PRKN: variants seen among roughly 807,000 people sequenced by gnomAD.
The protein encoded by PRKN is E3 ubiquitin-protein ligase parkin.
PRKN carries 56 observed loss-of-function variants against 59.5 expected under a neutral mutation model. That is an observed-to-expected ratio of 0.94 (90% CI 0.76 to 1.18). The LOEUF is 1.18. Among genes scored for constraint, PRKN ranks in the 50% most tolerant of loss-of-function variants. The probability of loss-of-function intolerance (pLI) is 0.00; values close to 1 mark genes in which losing one functional copy is unlikely to be tolerated. For synonymous variants in PRKN, 250 were observed against 222.1 expected (o/e 1.13, Z -1.12); for missense variants, 657 against 596.4 (o/e 1.10, Z -1.06).
At chr6:162,000,077 G>C (rs920681507) in intron 5 of PRKN, among the ~76,000 whole-genome samples, 2 of 151,996 alleles carry the variant, frequency 1.3e-5, no homozygotes, top group African/African-American at 4.8e-5. Context: ...CCAAGTTTTG[G>C]CAATTATGAA....
In PRKN at chr6:161,593,238, G is replaced by A. The variant is rs531312700; in HGVS notation, c.872-23822C>T. On this transcript the variant is annotated intron_variant, in intron 7 of 11. Transcript: ENST00000366898. This position sits in a 1 kb window ranked among gnomAD's most constrained non-coding sequence, Gnocchi z 4.8. ...TCAACTGCATCCCAGGAGCTGTTCCGAGTGCTTCGCATGGATCACCTCCTT... is the reference window on the plus strand; with the variant it reads ...TCAACTGCATCCCAGGAGCTGTTCCAAGTGCTTCGCATGGATCACCTCCTT... Among the ~76,000 whole-genome samples the A allele has an allele frequency of 8.5e-5, 13 of 152,304 alleles. No individual in the cohort carries two copies. Among genetic ancestry groups the A allele is most frequent in the East Asian group, 1.9e-4 (1 of 5,176 alleles).
intron 6 of PRKN, among the ~76,000 whole-genome samples, chr6:161,914,920 G>A (rs1417256052): frequency 6.6e-6 from 1 of 152,122 alleles, no homozygotes; most frequent in Non-Finnish European, 1.5e-5. Context: ...GGCATTCCTA[G>A]ACAGCCCAGG....
intron 1 of PRKN, among the ~76,000 whole-genome samples, chr6:162,560,857 A>AAAAAAAAAAAC (rs1779807066): frequency 1.3e-5 from 2 of 150,242 alleles, no homozygotes; most frequent in African/African-American, 4.9e-5. Flanking sequence ...GAGAGGCAAA[A>AAAAAAAAAAAC]AAAAAAAAAA....
intron 6 of PRKN, among the ~76,000 whole-genome samples, chr6:161,960,377 T>A (rs1399144578): frequency 4.6e-5 from 7 of 152,058 alleles, no homozygotes; most frequent in African/African-American, 1.7e-4. Context: ...GCAAAAGACA[T>A]CCAAATCTTA....
chr6:161,741,290 T>C (rs1240774456), intron 7 of PRKN, among the ~76,000 whole-genome samples: 3 of 152,096 alleles, frequency 2.0e-5, no homozygotes, highest in African/African-American at 7.2e-5. Flanking sequence ...TCTAATAGTT[T>C]CTCCGAGGAC....
At chr6:161,536,544 GA>G (rs1279845888) in intron 9 of PRKN, among the ~76,000 whole-genome samples, 4 of 152,176 alleles carry the variant, frequency 2.6e-5, no homozygotes, top group Non-Finnish European at 5.9e-5. Flanking sequence ...TGACCTGATA[GA>G]AACTTACCCC....
intron 1 of PRKN, among the ~76,000 whole-genome samples, chr6:162,460,643 T>C (rs1401244683): frequency 5.9e-5 from 9 of 152,196 alleles, no homozygotes; most frequent in Admixed American, 5.2e-4. Context: ...TTAGTACTTT[T>C]GGGATAAGCG....
intron 1 of PRKN, among the ~76,000 whole-genome samples, chr6:162,514,289 A>G (rs1339651461): frequency 2.0e-5 from 3 of 151,826 alleles, no homozygotes; most frequent in Admixed American, 2.0e-4. Context: ...TTTTTCTGAA[A>G]AAGTAAACTG....
intron 7 of PRKN, among the ~76,000 whole-genome samples, chr6:161,779,767 A>G (rs1039030583): frequency 6.6e-6 from 1 of 151,762 alleles, no homozygotes; most frequent in African/African-American, 2.4e-5. Flanking sequence ...TTCTATTTCT[A>G]TTTTGTTATC....
intron 2 of PRKN, among the ~76,000 whole-genome samples, chr6:162,428,442 T>A (rs181293522): frequency 2.0e-5 from 3 of 152,238 alleles, no homozygotes; most frequent in Non-Finnish European, 4.4e-5. Flanking sequence ...TAAACAAACT[T>A]CCTACTGGAG....
Position 161,363,045 on chromosome 6 carries a change from C to T in PRKN, c.1168-2840G>A, listed in dbSNP as rs923568609. Among the ~76,000 whole-genome samples, 6 of 152,036 alleles carry T rather than the reference C, an allele frequency of 3.9e-5. No individual in the cohort carries two copies. Among genetic ancestry groups the T allele is most frequent in the African/African-American group, 1.2e-4 (5 of 41,378 alleles). On this transcript the variant is annotated intron_variant, in intron 10 of 11. Coordinates refer to ENST00000366898, the MANE Select transcript of PRKN (RefSeq NM_004562.3). This position sits in a 1 kb window ranked among gnomAD's most constrained non-coding sequence, Gnocchi z 4.1. ...TCACTTGAGGCCGGGTGTTCAAGACCAGCCTGGCCAACATGGTGAAACCTC... is the reference window on the plus strand; with the variant it reads ...TCACTTGAGGCCGGGTGTTCAAGACTAGCCTGGCCAACATGGTGAAACCTC...
chr6:161,939,234 A>G (rs1171315592), intron 6 of PRKN, among the ~76,000 whole-genome samples: 1 of 151,706 alleles, frequency 6.6e-6, no homozygotes, highest in African/African-American at 2.4e-5. Flanking sequence ...CATGGCCAAC[A>G]TGGTGAAACC....
intron 9 of PRKN, among the ~76,000 whole-genome samples, chr6:161,505,471 G>A (rs1190687881): frequency 6.6e-6 from 1 of 151,420 alleles, no homozygotes; most frequent in Non-Finnish European, 1.5e-5. Flanking sequence ...CCCATTTTGT[G>A]GGCTGCCTGT....
At chr6:161,842,234 C>T (rs1323124744) in intron 6 of PRKN, among the ~76,000 whole-genome samples, 1 of 152,070 alleles carries the variant, frequency 6.6e-6, no homozygotes, top group Non-Finnish European at 1.5e-5. Flanking sequence ...TGTGGTGGCT[C>T]ACTCCTGTAA....
At chr6:162,724,828 CT>C (rs1779063899) in intron 1 of PRKN, among the ~76,000 whole-genome samples, 1 of 152,174 alleles carries the variant, frequency 6.6e-6, no homozygotes, top group Admixed American at 6.5e-5. Flanking sequence ...TCTGTTTTAT[CT>C]AAGTAGTACA....
chr6:162,504,149 A>T (rs1793503283), intron 1 of PRKN, among the ~76,000 whole-genome samples: 1 of 152,176 alleles, frequency 6.6e-6, no homozygotes, highest in Non-Finnish European at 1.5e-5. Flanking sequence ...GGCAGAGGGA[A>T]GGCCAACCCG....
intron 1 of PRKN, among the ~76,000 whole-genome samples, chr6:162,455,999 A>T (rs1010663389): frequency 6.6e-6 from 1 of 152,140 alleles, no homozygotes. Flanking sequence ...CCAAGTAATT[A>T]GCTTCAAATT....
At chr6:162,689,715 C>A (rs1166609061) in intron 1 of PRKN, among the ~76,000 whole-genome samples, 1 of 152,136 alleles carries the variant, frequency 6.6e-6, no homozygotes, top group Non-Finnish European at 1.5e-5. Flanking sequence ...TACACGTAGA[C>A]CCTCTGGGTG....
In PRKN at chr6:161,399,578, G is replaced by A. The variant is rs955760610; in HGVS notation, c.1084-12701C>T. The stretch of plus-strand genomic sequence containing the variant: ...TGGTGGCTGAACTGATGAGCCATAT[G>A]CCTGTTGCATGTCCTGCAACCGGGG... On this transcript the variant is annotated intron_variant, in intron 9 of 11. Coordinates refer to ENST00000366898, the MANE Select transcript of PRKN (RefSeq NM_004562.3). The surrounding 1 kb of genome is among the most constrained non-coding windows in gnomAD (Gnocchi z 4.4). Among the ~76,000 whole-genome samples the A allele has an allele frequency of 6.6e-6, 1 of 152,102 alleles. No homozygotes were observed. The highest frequency in any genetic ancestry group is 1.5e-5 in the Non-Finnish European group (1 of 68,030).
Sources: allele counts gnomAD v4.1 joint callset (sites outside exome capture counted in the v4.1 genomes callset), GRCh38; gene constraint gnomAD v4.1.1; non-coding constraint Gnocchi (gnomAD v3.1); transcripts MANE v1.5; gene names NCBI Gene and HGNC (gene_info 2026-07-23, HGNC 2026-07-21).